Variants in MCPH1 observed in about 807,000 individuals in gnomAD.
MCPH1 encodes the protein microcephalin 1.
In MCPH1, 104 loss-of-function variants were observed where a neutral mutation model predicts 84.5. The ratio of observed to expected loss-of-function variants is 1.23; its 90% CI spans 1.05 to 1.45. The LOEUF is 1.45. Among genes scored for constraint, MCPH1 ranks in the 40% most tolerant of loss-of-function variants. MCPH1 has a pLI of 0.00. For missense variants in MCPH1, 1,498 were observed against 1,005.7 expected (o/e 1.49, Z -6.62); for synonymous variants, 514 against 366.8 (o/e 1.40, Z -4.58).
chr8:6,460,331 C>G (rs1454794328), intron 9 of MCPH1, among the ~76,000 whole-genome samples: 1 of 152,016 alleles, frequency 6.6e-6, no homozygotes, highest in Non-Finnish European at 1.5e-5. Context: ...AATCCATATA[C>G]TGAGTTTTAA....
intron 3 of MCPH1, among the ~76,000 whole-genome samples, chr8:6,419,162 C>A (rs141134625): frequency 3.1e-5 from 1 of 32,400 alleles, no homozygotes; most frequent in African/African-American, 4.2e-5. Flanking sequence ...GACACACACA[C>A]ACACACACAC....
chr8:6,446,820 C>G, intron 8 of MCPH1: 1 of 985,278 alleles, frequency 1.0e-6, no homozygotes, highest in Non-Finnish European at 1.2e-6. Flanking sequence ...CTAAAATCCC[C>G]GTGTTGCTGG....
intron 6 of MCPH1, among the ~76,000 whole-genome samples, chr8:6,440,821 T>A (rs1471899790): frequency 6.6e-6 from 1 of 152,226 alleles, no homozygotes. Context: ...TTAAGGTTAG[T>A]TTCGGCTGCA....
At chr8:6,456,873 A>C (rs1805736394) in intron 9 of MCPH1, among the ~76,000 whole-genome samples, 1 of 152,112 alleles carries the variant, frequency 6.6e-6, no homozygotes, top group Non-Finnish European at 1.5e-5. Flanking sequence ...TGGGTTAGGG[A>C]CAGGCATCCT....
intron 7 of MCPH1, among the ~76,000 whole-genome samples, chr8:6,442,688 T>C (rs1399104119): frequency 6.6e-6 from 1 of 152,238 alleles, no homozygotes; most frequent in Non-Finnish European, 1.5e-5. Flanking sequence ...AGGATGGTAA[T>C]TTTTCATGGT....
chr8:6,464,728 TG>T (rs1277536095), intron 9 of MCPH1, among the ~76,000 whole-genome samples: 5 of 152,224 alleles, frequency 3.3e-5, no homozygotes, highest in African/African-American at 1.2e-4. Context: ...CCAGGTGTGG[TG>T]GCTCACGCCT....
intron 11 of MCPH1, among the ~76,000 whole-genome samples, chr8:6,488,797 G>T (rs890571212): frequency 6.6e-6 from 1 of 152,148 alleles, no homozygotes; most frequent in Non-Finnish European, 1.5e-5. Context: ...TCTCAGCAAA[G>T]AATGGATTGC....
intron 1 of MCPH1, among the ~76,000 whole-genome samples, chr8:6,408,652 C>G (rs1798086171): frequency 1.3e-5 from 2 of 152,062 alleles, no homozygotes; most frequent in South Asian, 2.1e-4. Context: ...CCCACCTCAG[C>G]TTCTCCACCC....
At chr8:6,567,927 A>G (rs1268853903) in intron 12 of MCPH1, among the ~76,000 whole-genome samples, 1 of 152,216 alleles carries the variant, frequency 6.6e-6, no homozygotes, top group Admixed American at 6.5e-5. Context: ...TTTGTCTGTA[A>G]TAGTTCTGCT....
chr8:6,549,366 C>G (rs990571930), intron 12 of MCPH1, among the ~76,000 whole-genome samples: 1 of 152,216 alleles, frequency 6.6e-6, no homozygotes, highest in Non-Finnish European at 1.5e-5. Context: ...ACTGATTGTT[C>G]CAATTACATG....
At chr8:6,414,485 C>T (rs993959374) in intron 2 of MCPH1, among the ~76,000 whole-genome samples, 10 of 152,106 alleles carry the variant, frequency 6.6e-5, no homozygotes, top group Admixed American at 4.6e-4. Flanking sequence ...TTCTCATGGC[C>T]ACATTTTCTC....
At chr8:6,631,179 C>A (rs887397593) in intron 13 of MCPH1, among the ~76,000 whole-genome samples, 3 of 152,190 alleles carry the variant, frequency 2.0e-5, no homozygotes, top group East Asian at 3.9e-4. Flanking sequence ...GGGAGCAGAC[C>A]AGACATGATC....
intron 9 of MCPH1, among the ~76,000 whole-genome samples, chr8:6,473,651 C>G (rs182313612): frequency 6.6e-5 from 10 of 152,204 alleles, no homozygotes; most frequent in African/African-American, 2.2e-4. Context: ...CTTAACAATG[C>G]TATATTTGTT....
chr8:6,550,600 G>C (rs1026469260), intron 12 of MCPH1, among the ~76,000 whole-genome samples: 1 of 152,260 alleles, frequency 6.6e-6, no homozygotes, highest in African/African-American at 2.4e-5. Flanking sequence ...GGGCTGTGTA[G>C]GGTGGCGGGC....
chr8:6,539,218 G>A (rs917511092), intron 12 of MCPH1, among the ~76,000 whole-genome samples: 3 of 152,206 alleles, frequency 2.0e-5, no homozygotes, highest in Non-Finnish European at 1.5e-5. Context: ...CACAGTGAGA[G>A]GTGATGTTCA....
Position 6,601,546 on chromosome 8 carries a change from C to CACACAG in MCPH1, c.2215-19908_2215-19907insACACAG, listed in dbSNP as rs765172632. ...GGACACACACACACACACACACACACCCCTACGCACACCCACACCCCACAT... is the reference window on the plus strand; with the variant it reads ...GGACACACACACACACACACACACACACACAGCCCTACGCACACCCACACCCCACAT... On this transcript the variant is annotated intron_variant, in intron 12 of 13. Transcript: ENST00000344683. Among the ~76,000 whole-genome samples the CACACAG allele has an allele frequency of 3.3e-5, 4 of 122,268 alleles. No homozygotes were observed. In the East Asian group the frequency reaches 8.4e-4, roughly 26 times the overall value. 80.2% of individuals were successfully genotyped at this position (122,268 alleles called of 152,430 possible).
intron 3 of MCPH1, among the ~76,000 whole-genome samples, chr8:6,423,382 G>A (rs916808416): frequency 6.6e-6 from 1 of 150,914 alleles, no homozygotes; most frequent in African/African-American, 2.4e-5. Flanking sequence ...AGCCAGGATG[G>A]TCTCCATCTC....
chr8:6,539,029 TTG>T (rs34625219), intron 12 of MCPH1, among the ~76,000 whole-genome samples: 71,123 of 151,358 alleles, frequency 0.47, 18,138 homozygotes, highest in Admixed American at 0.62. Flanking sequence ...AGAGTTGGGC[TTG>T]TGTGTGTGTG....
At chr8:6,473,695 A>C (rs1027956727) in intron 9 of MCPH1, 3 of 374,200 alleles carry the variant, frequency 8.0e-6, no homozygotes, top group African/African-American at 4.2e-5. Flanking sequence ...CATGGAGAAA[A>C]AGAAACATAG....
Sources: gnomAD v4.1 joint callset for allele counts (sites outside exome capture counted in the v4.1 genomes callset) on GRCh38, gnomAD v4.1.1 for gene constraint, MANE v1.5 for transcripts, NCBI Gene and HGNC (gene_info 2026-07-23, HGNC 2026-07-21) for gene names.